The following USP10 variants were observed in gnomAD, a reference collection of about 807,000 sequenced individuals.
USP10 encodes ubiquitin specific peptidase 10, also known as ubiquitin carboxyl-terminal hydrolase 10.
In USP10, 22 loss-of-function variants were observed where a neutral mutation model predicts 84.5. The ratio of observed to expected loss-of-function variants is 0.26; its 90% confidence interval spans 0.19 to 0.37. The LOEUF is 0.37. Among genes scored for constraint, USP10 ranks in the 10% least tolerant of loss-of-function variants. USP10 has a pLI of 1.00. For synonymous variants in USP10, 454 were observed against 387.6 expected (o/e 1.17, Z -2.01); for missense variants, 1,019 against 998.9 (o/e 1.02, Z -0.27).
At chr16:84,738,774 A>G (rs985875884) in intron 2 of USP10, among the ~76,000 whole-genome samples, 1 of 152,204 alleles carries the variant, frequency 6.6e-6, no homozygotes, top group African/African-American at 2.4e-5. Flanking sequence ...CTGCGTTACT[A>G]GCAGAGAGAA....
intron 1 of USP10, among the ~76,000 whole-genome samples, chr16:84,710,273 A>G (rs1441439631): frequency 6.6e-6 from 1 of 151,702 alleles, no homozygotes; most frequent in Admixed American, 6.6e-5. Flanking sequence ...ATCTCGGAAA[A>G]AAAAAAAAAA....
chr16:84,719,802 C>T lies in USP10; in HGVS notation c.22-13633C>T, dbSNP rs8047286. On this transcript the variant is annotated intron_variant, in intron 1 of 13. Coordinates refer to ENST00000219473, the MANE Select transcript of USP10 (RefSeq NM_005153.3). ...GGAATGCAAATTATTAGGATTTTTG[C>T]TGGTAAAGCAAGCTATACTTGCATA... Among the ~76,000 whole-genome samples the T allele has an allele frequency of 1.4e-3, 212 of 152,304 alleles. 2 individuals carry two copies. Among genetic ancestry groups the T allele is most frequent in the Middle Eastern group, 3.4e-3 (1 of 294 alleles).
intron 4 of USP10, among the ~76,000 whole-genome samples, chr16:84,756,060 C>A (rs1912497369): frequency 6.6e-6 from 1 of 152,038 alleles, no homozygotes; most frequent in African/African-American, 2.4e-5. Flanking sequence ...TTTCTGCAGC[C>A]CTTGGATTGG....
chr16:84,769,527 A>G (rs1199871664), intron 11 of USP10, among the ~76,000 whole-genome samples: 1 of 152,022 alleles, frequency 6.6e-6, no homozygotes, highest in East Asian at 1.9e-4. Context: ...TGGAAGAGAG[A>G]GAGGGAAAAA....
chr16:84,766,067 G>T (rs1321187452), intron 10 of USP10, among the ~76,000 whole-genome samples: 1 of 152,160 alleles, frequency 6.6e-6, no homozygotes, highest in East Asian at 1.9e-4. Context: ...TGTCCCAAAT[G>T]CTGCGTACCT....
At chr16:84,776,807 C>T (rs1915070551) in intron 13 of USP10, among the ~76,000 whole-genome samples, 1 of 152,164 alleles carries the variant, frequency 6.6e-6, no homozygotes, top group South Asian at 2.1e-4. Flanking sequence ...CCTGAATCCT[C>T]ATCCCCTAAC....
intron 2 of USP10, among the ~76,000 whole-genome samples, chr16:84,735,928 A>G (rs908145212): frequency 1.4e-4 from 22 of 152,172 alleles, no homozygotes; most frequent in African/African-American, 5.3e-4. Flanking sequence ...ACATGATTAC[A>G]CAGGAACTCA....
intron 1 of USP10, among the ~76,000 whole-genome samples, chr16:84,729,178 G>A (rs1463975354): frequency 1.3e-5 from 2 of 152,154 alleles, no homozygotes; most frequent in African/African-American, 4.8e-5. Context: ...ATATGATTTT[G>A]TTAAATACAA....
intron 4 of USP10, among the ~76,000 whole-genome samples, chr16:84,747,444 A>G (rs183990471): frequency 1.3e-5 from 2 of 152,346 alleles, no homozygotes; most frequent in East Asian, 3.9e-4. Context: ...TTCCTTATAC[A>G]AAATACATTA....
intron 2 of USP10, among the ~76,000 whole-genome samples, chr16:84,737,756 A>T (rs1220687256): frequency 6.6e-6 from 1 of 152,068 alleles, no homozygotes; most frequent in Non-Finnish European, 1.5e-5. Flanking sequence ...TGGCTTCCTC[A>T]TCTGTCAGAG....
At chr16:84,760,109 G>A in intron 7 of USP10, 63 bp from the exon 8 acceptor site, 3 of 1,541,842 alleles carry the variant, frequency 1.9e-6, no homozygotes, top group Admixed American at 3.8e-5. Flanking sequence ...TGATGATGTT[G>A]CTTTTTTCAT....
chr16:84,746,697 G>C (rs1370085581), intron 4 of USP10, among the ~76,000 whole-genome samples: 1 of 152,176 alleles, frequency 6.6e-6, no homozygotes, highest in African/African-American at 2.4e-5. Flanking sequence ...GAAGGCCCAG[G>C]ACAGTACTGA....
chr16:84,744,646 G>C lies in USP10; in HGVS notation c.165G>C (p.Gln55His), dbSNP rs1910993560. The C allele has an allele frequency of 2.5e-6, 4 of 1,608,574 alleles. No individual in the cohort carries two copies. Among genetic ancestry groups the C allele is most frequent in the South Asian group, 1.1e-5 (1 of 90,904 alleles). Residue 55 changes from glutamine (Q) to histidine (H), a missense_variant, in exon 4 of 14, where the codon CAG (glutamine) becomes CAC (histidine). By Grantham distance (24) the Gln-to-His change is conservative. Coordinates refer to ENST00000219473, the MANE Select transcript of USP10 (RefSeq NM_005153.3). ...CTTTCTAAACAGGACAAGAATATCA[G>C]AGAATTGAGTTTGGTGTCGATGAAG... ...VDKLPDGQEYQRIEFGVDEVI... is the reference protein window; with the variant it reads ...VDKLPDGQEYHRIEFGVDEVI...
intron 11 of USP10, among the ~76,000 whole-genome samples, chr16:84,770,458 C>T (rs1267767704): frequency 2.0e-5 from 3 of 152,002 alleles, no homozygotes; most frequent in Non-Finnish European, 4.4e-5. Flanking sequence ...AAATGTCTGC[C>T]TTTGTTGAGT....
chr16:84,737,120 G>A (rs1441982225), intron 2 of USP10, among the ~76,000 whole-genome samples: 1 of 152,168 alleles, frequency 6.6e-6, no homozygotes, highest in East Asian at 1.9e-4. Context: ...TTTAAAGGAG[G>A]GCTTTGTGGT....
At chr16:84,723,973 A>C (rs558728658) in intron 1 of USP10, among the ~76,000 whole-genome samples, 1 of 152,142 alleles carries the variant, frequency 6.6e-6, no homozygotes, top group East Asian at 1.9e-4. Context: ...TTTTTTTCTT[A>C]AGGTCAGCAC....
chr16:84,753,064 G>A (rs1358037031), intron 4 of USP10, among the ~76,000 whole-genome samples: 1 of 152,024 alleles, frequency 6.6e-6, no homozygotes, highest in Non-Finnish European at 1.5e-5. Flanking sequence ...TCTCTCAGGC[G>A]CAGGTGGTCT....
intron 1 of USP10, among the ~76,000 whole-genome samples, chr16:84,711,958 G>T (rs1308422306): frequency 6.6e-6 from 1 of 152,066 alleles, no homozygotes; most frequent in Admixed American, 6.5e-5. Context: ...GACCTGAAGT[G>T]ATCCGCCTGC....
At chr16:84,758,291 C>T (rs112486414) in intron 4 of USP10, among the ~76,000 whole-genome samples, 166 of 152,216 alleles carry the variant, frequency 1.1e-3, no homozygotes, top group Non-Finnish European at 1.7e-3. Flanking sequence ...AGGAATGAGA[C>T]GTGGGTTCTG....
Sources: allele counts gnomAD v4.1 joint callset (sites outside exome capture counted in the v4.1 genomes callset), GRCh38; gene constraint gnomAD v4.1.1; transcripts MANE v1.5; gene names NCBI Gene and HGNC (gene_info 2026-07-23, HGNC 2026-07-21).